Variants in MEMO1 observed in about 807,000 individuals in gnomAD.
MEMO1 encodes mediator of cell motility 1.
In MEMO1, 6 loss-of-function variants were observed where a neutral mutation model predicts 45.2. The observed-to-expected ratio is 0.13, with a 90% CI of 0.07 to 0.26. The LOEUF is 0.26. Among genes scored for constraint, MEMO1 ranks in the 10% least tolerant of loss-of-function variants. MEMO1 has a pLI of 1.00. For synonymous variants in MEMO1, 78 were observed against 124.3 expected, an observed-to-expected ratio of 0.63 and a Z score of 2.48; for missense variants, 184 against 370.5, an observed-to-expected ratio of 0.50 and a Z score of 4.13.
At chr2:31,871,124 TA>T (rs1333579257) in intron 8 of MEMO1, among the ~76,000 whole-genome samples, 1 of 152,196 alleles carries the variant, frequency 6.6e-6, no homozygotes, top group Admixed American at 6.5e-5. Context: ...GTCGGGGAAA[TA>T]AATTATTGAT....
At chr2:31,869,318 GA>G (rs567560751) in intron 9 of MEMO1, among the ~76,000 whole-genome samples, 1 of 151,748 alleles carries the variant, frequency 6.6e-6, no homozygotes, top group African/African-American at 2.4e-5. Flanking sequence ...CTAATTAGAA[GA>G]AAAAAATGCT....
intron 2 of MEMO1, among the ~76,000 whole-genome samples, chr2:31,995,528 T>C (rs763481960): frequency 2.0e-5 from 3 of 151,992 alleles, no homozygotes; most frequent in Non-Finnish European, 2.9e-5. Context: ...GTTTCATTCA[T>C]GGAATTAAAA....
chr2:31,969,564 C>A (rs1669065598), intron 2 of MEMO1, among the ~76,000 whole-genome samples: 2 of 144,914 alleles, frequency 1.4e-5, no homozygotes, highest in African/African-American at 5.1e-5. Flanking sequence ...CTTTCTAAAT[C>A]TTTTCTGGGG....
chr2:31,978,726 G>A (rs1558549729), intron 2 of MEMO1, among the ~76,000 whole-genome samples: 1 of 152,158 alleles, frequency 6.6e-6, no homozygotes. Flanking sequence ...GGCCTAAAAT[G>A]CATATTCTCA....
chr2:31,890,443 A>T (rs545995249), intron 7 of MEMO1, among the ~76,000 whole-genome samples: 8 of 152,140 alleles, frequency 5.3e-5, no homozygotes, highest in Non-Finnish European at 2.9e-5. Flanking sequence ...AAGGTCACTT[A>T]TTACATTTCA....
intron 6 of MEMO1, among the ~76,000 whole-genome samples, chr2:31,911,546 C>T (rs977908386): frequency 7.9e-5 from 12 of 152,070 alleles, no homozygotes; most frequent in Admixed American, 2.0e-4. Flanking sequence ...AATAATGTAT[C>T]GATATTGGTT....
intron 8 of MEMO1, 93 bp from the exon 9 acceptor site, chr2:31,870,045 C>A: frequency 1.0e-6 from 1 of 969,220 alleles, no homozygotes; most frequent in Non-Finnish European, 1.4e-6. Flanking sequence ...GTTACTTAAA[C>A]ATAATTCTTC....
intron 6 of MEMO1, among the ~76,000 whole-genome samples, chr2:31,905,842 C>T (rs1312587822): frequency 6.6e-6 from 1 of 152,192 alleles, no homozygotes; most frequent in Non-Finnish European, 1.5e-5. Context: ...CAGTTTGTTA[C>T]CCCACCTGTC....
At position 31,985,869 on chromosome 2, in the gene MEMO1, C is replaced by A. The variant is rs557276011; in HGVS notation, c.61+24318G>T. Among the ~76,000 whole-genome samples, 450 of 152,262 alleles carry A rather than the reference C, an allele frequency of 3.0e-3. 1 individual carries two copies. Among genetic ancestry groups the A allele is most frequent in the African/African-American group, 0.01 (428 of 41,556 alleles). ...GGCAGCCAGGCACAGTGGTTCAGAC[C>A]TGTAATCCCAACACTTTGGGAGGCC... On this transcript the variant is annotated intron_variant, in intron 2 of 9. Coordinates refer to ENST00000404530, the MANE Select transcript of MEMO1 (RefSeq NM_001301833.4).
intron 8 of MEMO1, among the ~76,000 whole-genome samples, chr2:31,881,769 A>G: frequency 6.6e-6 from 1 of 152,090 alleles, no homozygotes; most frequent in Non-Finnish European, 1.5e-5. Context: ...GCACTCTGGG[A>G]GGCAGGAGGG....
intron 8 of MEMO1, among the ~76,000 whole-genome samples, chr2:31,882,197 T>C (rs1675498637): frequency 1.3e-5 from 2 of 151,692 alleles, no homozygotes; most frequent in South Asian, 4.2e-4. Context: ...CATGTGCCTA[T>C]AGTCCCAGCT....
At chr2:31,992,809 A>G (rs942404610) in intron 2 of MEMO1, among the ~76,000 whole-genome samples, 2 of 152,238 alleles carry the variant, frequency 1.3e-5, no homozygotes, top group South Asian at 4.1e-4. Context: ...ATGAATTAAT[A>G]AAATAATAAG....
At chr2:31,950,454 C>G (rs1194280518) in intron 2 of MEMO1, among the ~76,000 whole-genome samples, 1 of 151,374 alleles carries the variant, frequency 6.6e-6, no homozygotes, top group Non-Finnish European at 1.5e-5. Context: ...CACAGTGGCT[C>G]ACACCTGTAA....
chr2:31,913,528 T>A (rs1055521020), intron 6 of MEMO1, among the ~76,000 whole-genome samples: 40 of 151,886 alleles, frequency 2.6e-4, no homozygotes, highest in South Asian at 6.2e-4. Flanking sequence ...TTTTTTTTTT[T>A]TTTTATTTTT....
chr2:31,964,593 C>A (rs1045859885), intron 2 of MEMO1, among the ~76,000 whole-genome samples: 2 of 151,932 alleles, frequency 1.3e-5, no homozygotes, highest in African/African-American at 4.8e-5. Context: ...CCCAGCTACT[C>A]CAGAGGCTGA....
At chr2:31,996,444 T>C (rs1171687482) in intron 2 of MEMO1, among the ~76,000 whole-genome samples, 1 of 151,924 alleles carries the variant, frequency 6.6e-6, no homozygotes, top group Admixed American at 6.6e-5. Flanking sequence ...TGAGGGAGGC[T>C]AAGGCAGGAG....
At chr2:31,895,185 A>G (rs761280075) in intron 6 of MEMO1, among the ~76,000 whole-genome samples, 32 of 152,234 alleles carry the variant, frequency 2.1e-4, no homozygotes, top group Non-Finnish European at 4.0e-4. Context: ...TTACTATAAC[A>G]TACTACACAA....
intron 4 of MEMO1, chr2:31,923,847 C>A: frequency 8.0e-7 from 1 of 1,246,760 alleles, no homozygotes; most frequent in Non-Finnish European, 1.1e-6. Flanking sequence ...CCAAAAGATA[C>A]ACTGCTCCAG....
intron 8 of MEMO1, among the ~76,000 whole-genome samples, chr2:31,881,735 C>T (rs919963581): frequency 2.0e-5 from 3 of 151,934 alleles, no homozygotes; most frequent in Admixed American, 1.3e-4. Flanking sequence ...GTGCCAAGTG[C>T]GGCAGCTCAC....
Sources: allele counts gnomAD v4.1 joint callset (sites outside exome capture counted in the v4.1 genomes callset), GRCh38; gene constraint gnomAD v4.1.1; transcripts MANE v1.5; gene names NCBI Gene and HGNC (gene_info 2026-07-23, HGNC 2026-07-21).